Variants in BICRAL observed in about 807,000 individuals in gnomAD.
BICRAL encodes BICRA like chromatin remodeling complex associated protein, also known as BRD4-interacting chromatin-remodeling complex-associated protein-like.
Under a neutral mutation model 91.8 loss-of-function variants are expected in BICRAL, and 8 were observed. That is an observed-to-expected ratio of 0.09 (90% CI 0.05 to 0.16). The LOEUF is 0.16. Among genes scored for constraint, BICRAL ranks in the 10% least tolerant of loss-of-function variants. BICRAL has a pLI of 1.00. For missense variants in BICRAL, 1,038 were observed against 1,310.9 expected, an observed-to-expected ratio of 0.79 and a Z score of 3.21; for synonymous variants, 445 against 491.1, an observed-to-expected ratio of 0.91 and a Z score of 1.24.
In BICRAL at chr6:42,867,116, G is replaced by T; in HGVS notation, c.*1670G>T. On this transcript the variant is annotated 3_prime_UTR_variant, in exon 13 of 13. Coordinates refer to ENST00000314073, the MANE Select transcript of BICRAL (RefSeq NM_001393499.1). The stretch of plus-strand genomic sequence containing the variant: ...ATCTGCTTCTGGCTGTCGCCAACAT[G>T]GGGATGACCCCCATTGTCATCATGT... 3.6e-6 allele frequency: 1 copy of T among 274,140 alleles called. No homozygotes were observed. Among genetic ancestry groups the T allele is most frequent in the Non-Finnish European group, 7.3e-6 (1 of 136,802 alleles). The allele number at this position is 274,140 out of a possible 1,614,324, so 17.0% of individuals were successfully genotyped here.
chr6:42,840,266 A>G (rs186558770), intron 6 of BICRAL, among the ~76,000 whole-genome samples: 3 of 151,824 alleles, frequency 2.0e-5, no homozygotes, highest in African/African-American at 7.3e-5. Flanking sequence ...TTTTTGAGAC[A>G]GAGTCTCGCT....
chr6:42,814,548 G>A (rs58706081), intron 2 of BICRAL, among the ~76,000 whole-genome samples: 1 of 111,188 alleles, frequency 9.0e-6, no homozygotes, highest in Non-Finnish European at 1.7e-5. Flanking sequence ...TTTAGATGAA[G>A]TCTTGGTCTG....
intron 1 of BICRAL, among the ~76,000 whole-genome samples, chr6:42,791,267 A>G (rs1477852442): frequency 6.6e-6 from 1 of 152,146 alleles, no homozygotes; most frequent in East Asian, 1.9e-4. Context: ...TTTAATCTAT[A>G]AAGTTACGAT....
At chr6:42,852,414 C>T in intron 7 of BICRAL, 2 of 649,462 alleles carry the variant, frequency 3.1e-6, no homozygotes, top group Non-Finnish European at 2.8e-6. Flanking sequence ...GTAATGCCAG[C>T]ACTTTGGGAG....
intron 6 of BICRAL, among the ~76,000 whole-genome samples, chr6:42,848,573 A>G (rs1765089425): frequency 6.6e-6 from 1 of 152,232 alleles, no homozygotes; most frequent in Non-Finnish European, 1.5e-5. Context: ...GGCCGGGAGC[A>G]GTGGCTCACG....
chr6:42,846,391 TTAAATAAA>T (rs71547817), intron 6 of BICRAL, among the ~76,000 whole-genome samples: 133 of 150,992 alleles, frequency 8.8e-4, no homozygotes, highest in African/African-American at 1.9e-3. Flanking sequence ...AAACAATAAG[TTAAATAAA>T]TAAATAAATA....
chr6:42,760,563 T>G (rs886591486), intron 1 of BICRAL, among the ~76,000 whole-genome samples: 3 of 151,664 alleles, frequency 2.0e-5, no homozygotes, highest in Admixed American at 2.0e-4. Flanking sequence ...AACATTATTA[T>G]TATTATTACT....
intron 6 of BICRAL, among the ~76,000 whole-genome samples, chr6:42,838,427 G>A (rs906353304): frequency 2.6e-5 from 4 of 152,140 alleles, no homozygotes; most frequent in African/African-American, 9.7e-5. Context: ...TCGTGGTGAT[G>A]CTGAGTGTGG....
At chr6:42,789,771 T>G (rs1763214350) in intron 1 of BICRAL, among the ~76,000 whole-genome samples, 1 of 152,142 alleles carries the variant, frequency 6.6e-6, no homozygotes, top group Admixed American at 6.5e-5. Context: ...TCTCTTCTTA[T>G]CATGGTACCA....
chr6:42,810,535 G>T (rs1000151262), intron 2 of BICRAL, 134 bp downstream of exon 2: 1 of 152,174 alleles, frequency 6.6e-6, no homozygotes, highest in Non-Finnish European at 1.5e-5. Flanking sequence ...AAAAGAATAA[G>T]ATGAGAATAC....
chr6:42,776,520 G>A (rs999664088), intron 1 of BICRAL, among the ~76,000 whole-genome samples: 2 of 151,384 alleles, frequency 1.3e-5, no homozygotes, highest in Admixed American at 1.3e-4. Flanking sequence ...GCTAATTTTT[G>A]TATTTTTTGT....
intron 1 of BICRAL, among the ~76,000 whole-genome samples, chr6:42,761,453 AT>A (rs1249794106): frequency 1.4e-5 from 2 of 147,920 alleles, no homozygotes; most frequent in African/African-American, 5.3e-5. Context: ...CAATAAATAA[AT>A]TAATTAATTA....
chr6:42,854,035 T>A lies in BICRAL; in HGVS notation c.2046+297T>A, dbSNP rs969186488. ...TAGTACATACTAGGCACTCAAAAAA[T>A]GTCATTTACTACTAGGTGATATCGT... is the stretch of plus-strand genomic sequence containing the variant. On this transcript the variant is annotated intron_variant, in intron 8 of 12. Coordinates refer to ENST00000314073, the MANE Select transcript of BICRAL (RefSeq NM_001393499.1). 9.2e-5 allele frequency among the ~76,000 whole-genome samples: 14 copies of A among 152,224 alleles called. No homozygotes were observed. The East Asian group carries it at 2.5e-3, about 27-fold the overall frequency.
chr6:42,859,650 A>T lies in BICRAL; in HGVS notation c.2255-612A>T, dbSNP rs566956814. Among the ~76,000 whole-genome samples, 76 of 151,314 alleles carry T rather than the reference A, an allele frequency of 5.0e-4. 1 individual carries two copies. Among genetic ancestry groups the T allele is most frequent in the African/African-American group, 6.8e-4 (28 of 41,316 alleles). On this transcript the variant is annotated intron_variant, in intron 10 of 12. Coordinates refer to ENST00000314073, the MANE Select transcript of BICRAL (RefSeq NM_001393499.1). ...ATTCTCTACTCATTGATATATATAT[A>T]TTTTTTTTTGAGACAGAGTCTCATT...
intron 3 of BICRAL, among the ~76,000 whole-genome samples, chr6:42,822,490 C>T (rs1764168985): frequency 6.7e-6 from 1 of 148,904 alleles, no homozygotes; most frequent in Non-Finnish European, 1.5e-5. Flanking sequence ...CTGAAGTGAT[C>T]CTCCTGCCTC....
At chr6:42,807,081 T>C (rs1387105730) in intron 1 of BICRAL, among the ~76,000 whole-genome samples, 2 of 152,352 alleles carry the variant, frequency 1.3e-5, no homozygotes, top group African/African-American at 4.8e-5. Context: ...TCCACCCGCC[T>C]CGGCCTCCCA....
chr6:42,823,775 A>C (rs987882171), intron 5 of BICRAL, among the ~76,000 whole-genome samples: 3 of 151,836 alleles, frequency 2.0e-5, no homozygotes, highest in Admixed American at 2.0e-4. Context: ...TACAAAAAAA[A>C]ATTGCCAGGC....
At chr6:42,844,284 C>G (rs1467071683) in intron 6 of BICRAL, among the ~76,000 whole-genome samples, 1 of 149,480 alleles carries the variant, frequency 6.7e-6, no homozygotes, top group Non-Finnish European at 1.5e-5. Flanking sequence ...CCGAGGCAGG[C>G]GGATCACGAG....
chr6:42,782,901 C>T, intron 1 of BICRAL, among the ~76,000 whole-genome samples: 1 of 145,668 alleles, frequency 6.9e-6, no homozygotes, highest in South Asian at 2.4e-4. Flanking sequence ...CCCCTCGTTT[C>T]TTTTCTCTCT....
Sources: allele counts gnomAD v4.1 joint callset (sites outside exome capture counted in the v4.1 genomes callset), GRCh38; gene constraint gnomAD v4.1.1; transcripts MANE v1.5; gene names NCBI Gene and HGNC (gene_info 2026-07-23, HGNC 2026-07-21).